The following SLC7A11 variants were observed in gnomAD, a reference collection of about 807,000 sequenced individuals.
The protein encoded by SLC7A11 is solute carrier family 7 member 11, also known as cystine/glutamate transporter.
SLC7A11 carries 35 observed loss-of-function variants against 54.5 expected under a neutral mutation model. That is an observed-to-expected ratio of 0.64 (90% confidence interval 0.49 to 0.85). The LOEUF is 0.85. SLC7A11 is among the 40% of genes least tolerant of loss of function. The pLI is 0.00. For missense variants in SLC7A11, 583 were observed against 618.1 expected, an observed-to-expected ratio of 0.94 and a Z score of 0.60; for synonymous variants, 230 against 225.2, an observed-to-expected ratio of 1.02 and a Z score of -0.19.
At chr4:138,185,674 T>C (rs1329944397) in intron 6 of SLC7A11, among the ~76,000 whole-genome samples, 1 of 152,128 alleles carries the variant, frequency 6.6e-6, no homozygotes, top group Non-Finnish European at 1.5e-5. Flanking sequence ...AGGCCACACT[T>C]TGAGAACCAC....
At chr4:138,214,411 A>G (rs955246224) in intron 6 of SLC7A11, among the ~76,000 whole-genome samples, 174 bp downstream of exon 6, 5 of 151,022 alleles carry the variant, frequency 3.3e-5, no homozygotes, top group Admixed American at 2.0e-4. Context: ...ATAATTATGT[A>G]TATAATTTAT....
intron 1 of SLC7A11, 50 bp downstream of exon 1, chr4:138,241,743 G>C (rs1342174233): frequency 7.0e-7 from 1 of 1,421,926 alleles, no homozygotes; most frequent in African/African-American, 1.4e-5. Context: ...CAGAAAGCAA[G>C]CTTTCCAGCC....
At chr4:138,239,123 A>T (rs555044589) in intron 1 of SLC7A11, among the ~76,000 whole-genome samples, 1 of 152,324 alleles carries the variant, frequency 6.6e-6, no homozygotes, top group South Asian at 2.1e-4. Context: ...CCATGGGGAA[A>T]CATTCGCCAT....
intron 3 of SLC7A11, among the ~76,000 whole-genome samples, chr4:138,225,237 G>C (rs1737920672): frequency 6.8e-6 from 1 of 146,596 alleles, no homozygotes; most frequent in Non-Finnish European, 1.5e-5. Flanking sequence ...CCTCAATAAA[G>C]ATGAAAAAAT....
intron 3 of SLC7A11, among the ~76,000 whole-genome samples, chr4:138,231,742 C>T (rs1163303758): frequency 6.6e-6 from 1 of 151,922 alleles, no homozygotes; most frequent in Non-Finnish European, 1.5e-5. Flanking sequence ...ATTTGGAGAC[C>T]ATAAAGAAAT....
At position 138,185,094 on chromosome 4, in the gene SLC7A11, A is replaced by T. The variant is rs187792445; in HGVS notation, c.915+27T>A. 8.5e-4 allele frequency: 1,365 copies of T among 1,611,706 alleles called. 6 individuals are homozygous for T. The highest frequency in any genetic ancestry group is 4.3e-4 in the Non-Finnish European group (504 of 1,178,268). On this transcript the variant is annotated intron_variant, in intron 7 of 11. Coordinates refer to ENST00000280612, the MANE Select transcript of SLC7A11 (RefSeq NM_014331.4). ...CATCAGCTCATTAACCTAAATTCCA[A>T]TTGGCATTTTCCCAACTTGGACTTA...
chr4:138,237,769 G>T (rs1383672055), intron 1 of SLC7A11, among the ~76,000 whole-genome samples: 1 of 17,336 alleles, frequency 5.8e-5, no homozygotes, highest in South Asian at 2.7e-3. Context: ...TTTTTTTTTT[G>T]AGATGGAGTC....
intron 6 of SLC7A11, 90 bp from the exon 7 acceptor site, chr4:138,185,334 A>C: frequency 7.2e-7 from 1 of 1,389,172 alleles, no homozygotes; most frequent in Non-Finnish European, 1.0e-6. Context: ...CAAATGAAGA[A>C]TATAATGGTA....
chr4:138,223,439 A>C, intron 3 of SLC7A11, 115 bp from the exon 4 acceptor site: 1 of 1,101,844 alleles, frequency 9.1e-7, no homozygotes, highest in Non-Finnish European at 1.3e-6. Context: ...ATTACTTAGA[A>C]GTGTTTTAGA....
intron 5 of SLC7A11, among the ~76,000 whole-genome samples, 190 bp from the exon 6 acceptor site, chr4:138,214,819 T>TA (rs1215389410): frequency 3.3e-5 from 5 of 152,256 alleles, no homozygotes; most frequent in East Asian, 1.9e-4. Flanking sequence ...GTGGAGTTTT[T>TA]ATCATGTGTC....
chr4:138,182,237 T>C, intron 9 of SLC7A11, 60 bp downstream of exon 9: 2 of 1,054,446 alleles, frequency 1.9e-6, no homozygotes, highest in African/African-American at 1.6e-5. Context: ...TGGTTGGAAT[T>C]CCTTTTTGCT....
intron 6 of SLC7A11, 151 bp from the exon 7 acceptor site, chr4:138,185,395 C>A: frequency 1.2e-6 from 1 of 811,436 alleles, no homozygotes; most frequent in Non-Finnish European, 1.9e-6. Flanking sequence ...TTCATCAGGG[C>A]AAAAAACCAC....
intron 2 of SLC7A11, 119 bp from the exon 3 acceptor site, chr4:138,232,501 T>C: frequency 1.6e-6 from 1 of 637,032 alleles, no homozygotes; most frequent in South Asian, 2.0e-5. Flanking sequence ...AGTCCATAGT[T>C]TTCAGAATTC....
rs1736214332 is a variant in SLC7A11 at position 138,164,779 on chromosome 4, C to A, written c.*7177G>T. On this transcript the variant is annotated 3_prime_UTR_variant, in exon 12 of 12. Transcript: ENST00000280612. The stretch of plus-strand genomic sequence containing the variant: ...GAGGATCACTCTTTTTCAGCTGGAT[C>A]TCTCTGTTCTTGTGTTTTCAATCAC... 1 of 152,100 alleles carries A rather than the reference C, an allele frequency of 6.6e-6. No homozygotes were observed. Among genetic ancestry groups the A allele is most frequent in the Non-Finnish European group, 1.5e-5 (1 of 67,984 alleles). 9.4% of individuals were successfully genotyped at this position (152,100 alleles called of 1,614,324 possible). A position where few individuals can be genotyped will look rare whatever the true frequency, so the allele number is the denominator to read the frequency against.
rs558342157 is a variant in SLC7A11 at position 138,184,333 on chromosome 4, A to C, written c.915+788T>G. 2.0e-5 allele frequency among the ~76,000 whole-genome samples: 3 copies of C among 152,280 alleles called. No homozygotes were observed. In the East Asian group the frequency reaches 5.8e-4, roughly 29 times the overall value. On this transcript the variant is annotated intron_variant, in intron 7 of 11. Coordinates refer to ENST00000280612, the MANE Select transcript of SLC7A11 (RefSeq NM_014331.4). ...AGGTAATACTAACTATTTTAAAAGGAACTGACATCAAGTAATGGGAACTTA... is the reference window on the plus strand; with the variant it reads ...AGGTAATACTAACTATTTTAAAAGGCACTGACATCAAGTAATGGGAACTTA...
chr4:138,193,651 T>C (rs1425381977), intron 6 of SLC7A11, among the ~76,000 whole-genome samples: 1 of 151,966 alleles, frequency 6.6e-6, no homozygotes, highest in Non-Finnish European at 1.5e-5. Context: ...ATAGAAAAAT[T>C]AGCCAGGCAT....
chr4:138,217,140 A>G (rs1737699115), intron 5 of SLC7A11, among the ~76,000 whole-genome samples: 1 of 123,614 alleles, frequency 8.1e-6, no homozygotes, highest in Admixed American at 8.0e-5. Context: ...TTCACAAAGC[A>G]GCATTCAGGT....
Position 138,212,266 on chromosome 4 carries a change from A to G in SLC7A11, c.791+2319T>C, listed in dbSNP as rs113129568. Among the ~76,000 whole-genome samples, 1,425 of 152,022 alleles carry G rather than the reference A, an allele frequency of 9.4e-3. 9 individuals carry two copies. The highest frequency in any genetic ancestry group is 0.016 in the Non-Finnish European group (1,087 of 67,832). On this transcript the variant is annotated intron_variant, in intron 6 of 11. Transcript: ENST00000280612. ...CACATTTCTTTCAAAAGCTCTGAAG[A>G]AAAATAATTGCTTGGAATATTGAAT...
In SLC7A11 at chr4:138,182,339, A is replaced by G; in HGVS notation, c.1074T>C (p.Ile358=). Reference sequence around the variant, plus strand: ...GTAGAGGAGTGTGCTTGCGGACATGAATCATGGAGAGGATTTCTGGAAGGT... The same window carrying G: ...GTAGAGGAGTGTGCTTGCGGACATGGATCATGGAGAGGATTTCTGGAAGGT... ...EGHLPEILSM[I]HVRKHTPLPA... is the part of the protein sequence containing the mutation. Residue 358 remains isoleucine, a synonymous_variant, in exon 9 of 12, where the codon ATT becomes ATC. Transcript: ENST00000280612. 6.2e-7 allele frequency: 1 copy of G among 1,612,204 alleles called. No homozygotes were observed. Among genetic ancestry groups the G allele is most frequent in the Non-Finnish European group, 8.5e-7 (1 of 1,178,660 alleles).
Sources: gnomAD v4.1 joint callset for allele counts (sites outside exome capture counted in the v4.1 genomes callset) on GRCh38, gnomAD v4.1.1 for gene constraint, MANE v1.5 for transcripts, NCBI Gene and HGNC (gene_info 2026-07-23, HGNC 2026-07-21) for gene names.